Variants in STS observed in about 807,000 individuals in gnomAD.
STS encodes the protein steroid sulfatase.
In STS, 7 loss-of-function variants were observed where a neutral mutation model predicts 26.8. The observed-to-expected ratio is 0.26, with a 90% CI of 0.15 to 0.49. The LOEUF is 0.49. Ranked by LOEUF, STS falls within the 20% of genes least tolerant of loss-of-function variation. The probability of loss-of-function intolerance (pLI) is 0.98; values close to 1 mark genes in which losing one functional copy is unlikely to be tolerated. For missense variants in STS, 434 were observed against 465.6 expected, an observed-to-expected ratio of 0.93 and a Z score of 0.63; for synonymous variants, 199 against 189.4, an observed-to-expected ratio of 1.05 and a Z score of -0.42.
intron 1 of STS, among the ~76,000 whole-genome samples, chrX:7,153,326 C>G (rs1933057972): frequency 9.6e-6 from 1 of 103,687 alleles, no homozygotes; most frequent in African/African-American, 3.6e-5. Context: ...CCTTCCTTTC[C>G]TCCTTCTCTC....
chrX:7,320,949 G>A (rs1440981478), intron 8 of STS, among the ~76,000 whole-genome samples: 1 of 111,756 alleles, frequency 8.9e-6, no homozygotes, highest in Non-Finnish European at 1.9e-5. Flanking sequence ...AGAGCCTGCT[G>A]AGGAGACTAC....
chrX:7,318,164 A>C (rs190615806), intron 8 of STS, among the ~76,000 whole-genome samples: 102 of 111,955 alleles, frequency 9.1e-4, no homozygotes, highest in African/African-American at 3.2e-3. Context: ...CTCCATCATT[A>C]GTCCTGATCA....
At chrX:7,274,060 T>C (rs1046160425) in intron 6 of STS, among the ~76,000 whole-genome samples, 3 of 111,287 alleles carry the variant, frequency 2.7e-5, no homozygotes, top group African/African-American at 6.5e-5. Flanking sequence ...GTGCAGAGCA[T>C]TGAGCTGTGA....
At position 7,331,672 on chromosome X, in the gene STS, C is replaced by T. The variant is rs768596296; in HGVS notation, c.1242-2314C>T. 5.4e-5 allele frequency among the ~76,000 whole-genome samples: 6 copies of T among 111,045 alleles called. No homozygotes were observed. The South Asian group carries it at 2.3e-3, about 42-fold the overall frequency. On this transcript the variant is annotated intron_variant, in intron 9 of 10. Coordinates refer to ENST00000674429, the MANE Select transcript of STS (RefSeq NM_001320752.2). ...TCTGGGTTATTGCCATAGTTAACTG[C>T]GAATCCCACAAGTGGTTTAAGACAA... is the stretch of plus-strand genomic sequence containing the variant.
At chrX:7,325,080 G>C (rs139985690) in intron 8 of STS, among the ~76,000 whole-genome samples, 1 of 111,575 alleles carries the variant, frequency 9.0e-6, no homozygotes, top group Non-Finnish European at 1.9e-5. Flanking sequence ...TCTTTGTTGC[G>C]TTGAGTCCCT....
intron 2 of STS, among the ~76,000 whole-genome samples, chrX:7,221,284 A>T (rs1921554018): frequency 8.9e-6 from 1 of 112,438 alleles, no homozygotes; most frequent in African/African-American, 3.2e-5. Flanking sequence ...CTTCTGACGC[A>T]CATGCCATTC....
chrX:7,348,402 G>A (rs1928622007), intron 10 of STS, among the ~76,000 whole-genome samples: 1 of 112,336 alleles, frequency 8.9e-6, no homozygotes, highest in Non-Finnish European at 1.9e-5. Flanking sequence ...TTACACAGGG[G>A]TGGAGGGCTT....
At chrX:7,158,901 C>T (rs1382390717) in intron 1 of STS, among the ~76,000 whole-genome samples, 7 of 111,681 alleles carry the variant, frequency 6.3e-5, no homozygotes, top group African/African-American at 2.3e-4. Context: ...GGAGACAAAA[C>T]ATGGCCTTTT....
At chrX:7,194,346 T>C (rs950198113) in intron 2 of STS, among the ~76,000 whole-genome samples, 3 of 111,438 alleles carry the variant, frequency 2.7e-5, no homozygotes, top group Admixed American at 9.6e-5. Context: ...CATACCAGTC[T>C]TAGGTTTTAC....
At position 7,259,652 on chromosome X, in the gene STS, T is replaced by C; in HGVS notation, c.686T>C (p.Leu229Pro). ...ALILTLFLGF[L>P]HYFRPLNCFM... ...ATCCTGACCCTTTTCTTGGGCTTCC[T>C]TCATTACTTCCGGCCCCTGAACTGC... is the stretch of plus-strand genomic sequence containing the variant. Residue 229 changes from leucine to proline, a missense_variant, in exon 6 of 11, where the codon CTT (leucine) becomes CCT (proline). By Grantham distance (98) the Leu-to-Pro change is moderately conservative. This residue lies in a region of STS where 229 missense variants were observed against 288.3 expected (regional missense o/e 0.79). Transcript: ENST00000674429. 1 of 1,211,309 alleles carries C rather than the reference T, an allele frequency of 8.3e-7. No individual in the cohort carries two copies. The highest frequency in any genetic ancestry group is 1.1e-6 in the Non-Finnish European group (1 of 895,377).
chrX:7,193,483 G>A (rs1933915925), intron 2 of STS, among the ~76,000 whole-genome samples: 1 of 108,742 alleles, frequency 9.2e-6, no homozygotes, highest in Admixed American at 1.0e-4. Flanking sequence ...TAGTCTACGG[G>A]AGAGATTGAC....
At chrX:7,157,278 T>C (rs192271515) in intron 1 of STS, among the ~76,000 whole-genome samples, 3 of 111,774 alleles carry the variant, frequency 2.7e-5, no homozygotes, top group Non-Finnish European at 5.6e-5. Flanking sequence ...GTCGAGTCTT[T>C]GAGAGTAAGT....
At chrX:7,331,944 G>C (rs1927770196) in intron 9 of STS, among the ~76,000 whole-genome samples, 1 of 98,982 alleles carries the variant, frequency 1.0e-5, no homozygotes, top group Non-Finnish European at 2.0e-5. Flanking sequence ...AGAAAAATAA[G>C]TTTGCAGAAT....
intron 2 of STS, chrX:7,219,699 TCC>T: frequency 8.3e-7 from 1 of 1,211,654 alleles, no homozygotes; most frequent in Non-Finnish European, 1.1e-6. Context: ...AAGCGTCTAT[TCC>T]CCTGGCCAGG....
intron 7 of STS, among the ~76,000 whole-genome samples, chrX:7,294,317 T>C (rs1175131041): frequency 9.0e-6 from 1 of 111,190 alleles, no homozygotes; most frequent in Non-Finnish European, 1.9e-5. Context: ...CCATTTATTA[T>C]GGTATCTTCC....
In STS at chrX:7,180,527, G is replaced by T. The variant is rs150662419; in HGVS notation, c.-133-10353G>T. On this transcript the variant is annotated intron_variant, in intron 1 of 10. Transcript: ENST00000674429. Reference sequence around the variant, plus strand: ...GCAGCCAGGTTCTTAACAGGCCATGGACCAGTACCAGTCTGTGGCTCTGGG... The same window carrying T: ...GCAGCCAGGTTCTTAACAGGCCATGTACCAGTACCAGTCTGTGGCTCTGGG... Among the ~76,000 whole-genome samples, 766 of 111,889 alleles carry T rather than the reference G, an allele frequency of 6.8e-3. 6 individuals carry two copies. The highest frequency in any genetic ancestry group is 0.024 in the African/African-American group (730 of 30,761).
chrX:7,189,371 A>C, intron 1 of STS, among the ~76,000 whole-genome samples: 1 of 111,690 alleles, frequency 9.0e-6, no homozygotes. Flanking sequence ...GAGGTCAAAA[A>C]ACTGTTTCTG....
At chrX:7,193,376 T>TTTG (rs1233209211) in intron 2 of STS, among the ~76,000 whole-genome samples, 63 of 111,579 alleles carry the variant, frequency 5.6e-4, no homozygotes, top group Admixed American at 1.8e-3. Context: ...AGTAGGGTTT[T>TTTG]TTGTTGTTGT....
At chrX:7,284,955 G>GTGATGA (rs796509541) in intron 7 of STS, among the ~76,000 whole-genome samples, 2 of 110,736 alleles carry the variant, frequency 1.8e-5, no homozygotes, top group African/African-American at 3.3e-5. Context: ...GCTGATGATG[G>GTGATGA]TGATGATGAT....
Sources: allele counts gnomAD v4.1 joint callset (sites outside exome capture counted in the v4.1 genomes callset), GRCh38; gene constraint gnomAD v4.1.1; regional missense constraint gnomAD v4.1.1; transcripts MANE v1.5; gene names NCBI Gene and HGNC (gene_info 2026-07-23, HGNC 2026-07-21).